Variants in NVL observed in about 807,000 individuals in gnomAD.
The protein encoded by NVL is nuclear VCP like, also known as nuclear valosin-containing protein-like.
Under a neutral mutation model 110.2 loss-of-function variants are expected in NVL, and 84 were observed. That is an observed-to-expected ratio of 0.76 (90% CI 0.64 to 0.91). The LOEUF (loss-of-function observed/expected upper bound fraction) is 0.91. Ranked by LOEUF, NVL falls within the 40% of genes least tolerant of loss-of-function variation. The pLI is 0.00. For missense variants in NVL, 882 were observed against 1,035.9 expected, an observed-to-expected ratio of 0.85 and a Z score of 2.04; for synonymous variants, 354 against 361.1, an observed-to-expected ratio of 0.98 and a Z score of 0.22.
intron 18 of NVL, among the ~76,000 whole-genome samples, chr1:224,265,882 C>A (rs1664452000): frequency 6.6e-6 from 1 of 152,212 alleles, no homozygotes; most frequent in Non-Finnish European, 1.5e-5. Context: ...ATCCTCCTGT[C>A]TCAACCTCGT....
intron 11 of NVL, among the ~76,000 whole-genome samples, chr1:224,295,626 G>A (rs982095540): frequency 4.0e-5 from 6 of 151,542 alleles, no homozygotes; most frequent in African/African-American, 1.5e-4. Context: ...GGCTGAAGCA[G>A]AAAGACTGAG....
intron 15 of NVL, 62 bp from the exon 16 acceptor site, chr1:224,281,247 A>G (rs1666279104): frequency 7.9e-6 from 10 of 1,265,164 alleles, no homozygotes; most frequent in African/African-American, 1.5e-5. Flanking sequence ...AACAATAATA[A>G]TGATGATGAT....
chr1:224,288,912 T>C (rs531489859), intron 13 of NVL, among the ~76,000 whole-genome samples: 6 of 152,346 alleles, frequency 3.9e-5, no homozygotes, highest in African/African-American at 1.4e-4. Flanking sequence ...CCCCTATTAT[T>C]CACATGACTG....
chr1:224,330,120 G>A lies in NVL; in HGVS notation c.8C>T (p.Pro3Leu), dbSNP rs138268824. 2 of 1,614,022 alleles carry A rather than the reference G, an allele frequency of 1.2e-6. No individual in the cohort carries two copies. The highest frequency in any genetic ancestry group is 1.3e-5 in the African/African-American group (1 of 75,036). ...ATTATCCACGAACCCTGCAGGTCTG[G>A]GCTTCATCGCGTCGGTCTTCCAAGC... MK[P>L]RPAGFVDNKL... The change falls in exon 1 of 23, where the codon CCC becomes CTC. Residue 3 changes from proline to leucine, a missense_variant. Pro to Leu is a moderately conservative substitution (Grantham distance 98, BLOSUM62 -3). Around this residue, in one of 4 missense-constraint regions of NVL, gnomAD observed 274 missense variants for 268.4 expected, o/e 1.02. Coordinates refer to ENST00000281701, the MANE Select transcript of NVL (RefSeq NM_002533.4).
intron 1 of NVL, among the ~76,000 whole-genome samples, chr1:224,327,540 A>G (rs1427627442): frequency 6.6e-6 from 1 of 152,152 alleles, no homozygotes; most frequent in East Asian, 1.9e-4. Flanking sequence ...TGTAAGGTGT[A>G]TATGAAACAT....
At chr1:224,233,337 C>T in intron 20 of NVL, 48 bp from the exon 21 acceptor site, 3 of 1,448,550 alleles carry the variant, frequency 2.1e-6, no homozygotes, top group Non-Finnish European at 2.8e-6. Flanking sequence ...ACTGCAAAAT[C>T]CCAGAAAAAA....
intron 16 of NVL, among the ~76,000 whole-genome samples, chr1:224,276,345 T>C (rs1430018433): frequency 1.3e-5 from 2 of 152,142 alleles, no homozygotes; most frequent in Admixed American, 6.5e-5. Context: ...CAAGTGATTC[T>C]CCTGCCTCAG....
chr1:224,314,426 G>T (rs1033929837), intron 4 of NVL, among the ~76,000 whole-genome samples: 15 of 152,172 alleles, frequency 9.9e-5, no homozygotes, highest in African/African-American at 3.1e-4. Context: ...AGGATAACAA[G>T]AGAATATTGC....
rs374045580 is a variant in NVL, at chr1:224,259,654, T to C, written c.2182+8380A>G. On this transcript the variant is annotated intron_variant, in intron 18 of 22. Transcript: ENST00000281701. ...ACAAATAATAATAATAAGAATGATGTTTTTTGTTTGTTTGTTTTGAGACAG... is the reference window on the plus strand; with the variant it reads ...ACAAATAATAATAATAAGAATGATGCTTTTTGTTTGTTTGTTTTGAGACAG... Among the ~76,000 whole-genome samples the C allele has an allele frequency of 3.3e-5, 5 of 151,968 alleles. No homozygotes were observed. In the East Asian group the frequency reaches 9.7e-4, roughly 29 times the overall value.
At chr1:224,318,077 A>AGTTTATAT in intron 2 of NVL, 147 bp from the exon 3 acceptor site, 1 of 523,550 alleles carries the variant, frequency 1.9e-6, no homozygotes. Context: ...CAAACTTCTA[A>AGTTTATAT]GTTTATATAT....
intron 14 of NVL, among the ~76,000 whole-genome samples, chr1:224,287,372 A>G (rs1388574563): frequency 1.3e-5 from 2 of 152,304 alleles, no homozygotes; most frequent in African/African-American, 2.4e-5. Flanking sequence ...TAGGGAAATT[A>G]TATTTCAAAA....
intron 17 of NVL, among the ~76,000 whole-genome samples, chr1:224,273,477 C>G (rs903644506): frequency 1.3e-5 from 2 of 151,696 alleles, no homozygotes; most frequent in Non-Finnish European, 2.9e-5. Context: ...GGCTGCTCTG[C>G]CTATGGAGCA....
At chr1:224,261,496 G>A (rs1663980625) in intron 18 of NVL, among the ~76,000 whole-genome samples, 1 of 152,188 alleles carries the variant, frequency 6.6e-6, no homozygotes, top group Non-Finnish European at 1.5e-5. Context: ...TTCCCTAACT[G>A]AGAACATCGT....
At chr1:224,320,111 G>C (rs1327658229) in intron 2 of NVL, among the ~76,000 whole-genome samples, 2 of 151,878 alleles carry the variant, frequency 1.3e-5, no homozygotes, top group African/African-American at 4.8e-5. Flanking sequence ...TTCAGTTCTG[G>C]AAAAAAAATT....
At chr1:224,299,462 G>A (rs940541796) in intron 10 of NVL, among the ~76,000 whole-genome samples, 1 of 152,192 alleles carries the variant, frequency 6.6e-6, no homozygotes, top group Non-Finnish European at 1.5e-5. Context: ...AGGGGACCAG[G>A]AAAAGCGGGG....
intron 4 of NVL, among the ~76,000 whole-genome samples, chr1:224,317,191 T>A (rs1670176660): frequency 6.7e-6 from 1 of 150,218 alleles, no homozygotes; most frequent in Admixed American, 6.6e-5. Context: ...TATACCTCAA[T>A]AAAGCTATTT....
At chr1:224,265,145 G>GAA (rs1664371209) in intron 18 of NVL, among the ~76,000 whole-genome samples, 1 of 152,046 alleles carries the variant, frequency 6.6e-6, no homozygotes, top group African/African-American at 2.4e-5. Context: ...CACACATAGG[G>GAA]AAAAAACAAA....
intron 2 of NVL, among the ~76,000 whole-genome samples, chr1:224,321,661 C>T (rs1205433972): frequency 6.6e-6 from 1 of 150,798 alleles, no homozygotes; most frequent in Non-Finnish European, 1.5e-5. Flanking sequence ...GAGGCTGAGG[C>T]AGGAGAGTCA....
At chr1:224,229,122 C>A (rs1483498548) in intron 22 of NVL, among the ~76,000 whole-genome samples, 5 of 151,016 alleles carry the variant, frequency 3.3e-5, no homozygotes, top group Admixed American at 6.6e-5. Context: ...TGGAGAAACC[C>A]TGTCTCTACT....
Sources: gnomAD v4.1 joint callset for allele counts (sites outside exome capture counted in the v4.1 genomes callset) on GRCh38, gnomAD v4.1.1 for gene constraint, gnomAD v4.1.1 regional missense constraint, MANE v1.5 for transcripts, NCBI Gene and HGNC (gene_info 2026-07-23, HGNC 2026-07-21) for gene names.